NDUFS1: variants seen among roughly 807,000 people sequenced by gnomAD.
The protein encoded by NDUFS1 is NADH:ubiquinone oxidoreductase core subunit S1.
In NDUFS1, 61 loss-of-function variants were observed where a neutral mutation model predicts 84.4. That is an observed-to-expected ratio of 0.72 (90% CI 0.59 to 0.89). The LOEUF (loss-of-function observed/expected upper bound fraction) is 0.89, where lower values mean the gene tolerates loss of function less well. Among genes scored for constraint, NDUFS1 ranks in the 40% least tolerant of loss-of-function variants. NDUFS1 has a pLI of 0.00. For synonymous variants in NDUFS1, 275 were observed against 290.0 expected, an observed-to-expected ratio of 0.95 and a Z score of 0.53; for missense variants, 891 against 890.0, an observed-to-expected ratio of 1.00 and a Z score of -0.01.
intron 12 of NDUFS1, 52 bp from the exon 13 acceptor site, chr2:206,138,666 TG>T: frequency 6.4e-7 from 1 of 1,573,212 alleles, no homozygotes; most frequent in Non-Finnish European, 8.7e-7. Flanking sequence ...AAGCAGTTAC[TG>T]GTCTCATCAA....
intron 8 of NDUFS1, 70 bp from the exon 9 acceptor site, chr2:206,145,096 C>CA: frequency 6.8e-7 from 1 of 1,478,880 alleles, no homozygotes; most frequent in Non-Finnish European, 9.1e-7. Flanking sequence ...CCTGGTTTAC[C>CA]AAAAAATTTT....
chr2:206,127,621 A>C, intron 16 of NDUFS1, 176 bp downstream of exon 16: 2 of 647,898 alleles, frequency 3.1e-6, no homozygotes, highest in Non-Finnish European at 2.7e-6. Flanking sequence ...CGGTGCAATG[A>C]GAGCTCACTG....
chr2:206,134,357 G>C (rs947042131), intron 13 of NDUFS1, among the ~76,000 whole-genome samples: 1 of 152,182 alleles, frequency 6.6e-6, no homozygotes, highest in African/African-American at 2.4e-5. Context: ...AAACAGGCCA[G>C]GTGCAGTGGC....
intron 1 of NDUFS1, among the ~76,000 whole-genome samples, chr2:206,157,709 A>G (rs1288604581): frequency 6.6e-6 from 1 of 152,262 alleles, no homozygotes; most frequent in South Asian, 2.1e-4. Flanking sequence ...ATAGCCCAAC[A>G]TAAGAAATAC....
At chr2:206,148,284 A>T (rs114788103) in intron 5 of NDUFS1, among the ~76,000 whole-genome samples, 1 of 152,050 alleles carries the variant, frequency 6.6e-6, no homozygotes, top group Non-Finnish European at 1.5e-5. Flanking sequence ...ATTAATAGTA[A>T]TTTTACATTT....
chr2:206,142,619 C>A, intron 11 of NDUFS1, 67 bp downstream of exon 11: 1 of 1,591,264 alleles, frequency 6.3e-7, no homozygotes, highest in Non-Finnish European at 8.6e-7. Flanking sequence ...CAGGTTGTCA[C>A]ATTTTATACA....
At chr2:206,154,418 T>C (rs1258068815) in intron 1 of NDUFS1, among the ~76,000 whole-genome samples, 7 of 152,114 alleles carry the variant, frequency 4.6e-5, no homozygotes. Context: ...ATCTAGTGGG[T>C]AGAGGACAAG....
chr2:206,125,470 T>TACACAC (rs373368439), intron 18 of NDUFS1, among the ~76,000 whole-genome samples: 25 of 148,598 alleles, frequency 1.7e-4, no homozygotes, highest in African/African-American at 5.9e-4. Context: ...TCAAAAATTA[T>TACACAC]ACACACACAC....
Position 206,126,716 on chromosome 2 carries a change from G to C in NDUFS1, c.2013C>G (p.Leu671=), listed in dbSNP as rs1367146577. Residue 671 remains leucine, a synonymous_variant, in exon 17 of 19, where the codon CTC becomes CTG. Coordinates refer to ENST00000233190, the MANE Select transcript of NDUFS1 (RefSeq NM_005006.7). ...CTCATAGGCGAGCTGTTACCTTTGA[G>C]AGCTCATTTGCTTGCTGGAAGTAAT... ...GANYFQQANE[L]SKLVNQQLLA... The C allele has an allele frequency of 6.2e-7, 1 of 1,614,128 alleles. No homozygotes were observed. The highest frequency in any genetic ancestry group is 8.5e-7 in the Non-Finnish European group (1 of 1,180,018).
intron 13 of NDUFS1, among the ~76,000 whole-genome samples, chr2:206,137,170 C>T (rs889035193): frequency 6.6e-6 from 1 of 152,072 alleles, no homozygotes; most frequent in Non-Finnish European, 1.5e-5. Flanking sequence ...ATGTCTTCAC[C>T]TTTAAGACAT....
rs1690968396 is a variant in NDUFS1, at chr2:206,117,170, G to A, written c.*7015C>T. On this transcript the variant is annotated 3_prime_UTR_variant, in exon 19 of 19. Transcript: ENST00000233190. Reference sequence around the variant, plus strand: ...GATCATGCCACTGAACCCCAGCCTGGGTGACAGAGTTGCCTCAATCAGTCA... The same window carrying A: ...GATCATGCCACTGAACCCCAGCCTGAGTGACAGAGTTGCCTCAATCAGTCA... The A allele has an allele frequency of 6.6e-6, 1 of 152,240 alleles. No homozygotes were observed. The allele number at this position is 152,240 out of a possible 1,614,324, so 9.4% of individuals were successfully genotyped here.
rs199619537 is a variant in NDUFS1 at position 206,142,869 on chromosome 2, C to T, written c.988-38G>A. 1,485 of 1,612,572 alleles carry T rather than the reference C, an allele frequency of 9.2e-4. 27 individuals are homozygous for T. In the South Asian group the frequency reaches 0.016, roughly 17 times the overall value. The stretch of plus-strand genomic sequence containing the variant: ...GAAAAGGGCATCACCAAGAAACCTA[C>T]ACGCAGCAAAGACCACAATGAAATG... On this transcript the variant is annotated intron_variant, in intron 10 of 18. Coordinates refer to ENST00000233190, the MANE Select transcript of NDUFS1 (RefSeq NM_005006.7).
intron 12 of NDUFS1, among the ~76,000 whole-genome samples, chr2:206,141,313 G>T (rs1180901707): frequency 6.6e-6 from 1 of 151,892 alleles, no homozygotes; most frequent in Non-Finnish European, 1.5e-5. Flanking sequence ...GGGAGGCTGA[G>T]GCGGGCGGAT....
At position 206,159,408 on chromosome 2, in the gene NDUFS1, G is replaced by C. The variant is rs111650840; in HGVS notation, c.-72C>G. ...GACCACGACGACCCCCTAGGAGGCC[G>C]GGTCGCTTATTCAATATGGCGGCCT... is the stretch of plus-strand genomic sequence containing the variant. On this transcript the variant is annotated 5_prime_UTR_variant, in exon 1 of 19. Coordinates refer to ENST00000233190, the MANE Select transcript of NDUFS1 (RefSeq NM_005006.7). The C allele has an allele frequency of 2.2e-5, 11 of 500,270 alleles. No individual in the cohort carries two copies. The highest frequency in any genetic ancestry group is 1.7e-4 in the African/African-American group (9 of 51,988). 31.0% of individuals were successfully genotyped at this position (500,270 alleles called of 1,614,324 possible).
chr2:206,143,918 A>C, intron 10 of NDUFS1, 100 bp downstream of exon 10: 1 of 967,304 alleles, frequency 1.0e-6, no homozygotes, highest in Non-Finnish European at 1.6e-6. Flanking sequence ...TAATCTTGGT[A>C]AAAGTAAAAA....
chr2:206,142,742 A>G lies in NDUFS1; in HGVS notation c.1077T>C (p.Asn359=). 6.2e-7 allele frequency: 1 copy of G among 1,614,210 alleles called. No homozygotes were observed. Among genetic ancestry groups the G allele is most frequent in the Non-Finnish European group, 8.5e-7 (1 of 1,180,034 alleles). ...TGCATAAGGTGTCAGAGTCCACTCT[A>G]TTAAGCAAATCTTTGAGAGCTACCA... is the stretch of plus-strand genomic sequence containing the variant. ...EALVALKDLL[N]RVDSDTLCTE... The change falls in exon 11 of 19, where the codon AAT becomes AAC. Residue 359 remains asparagine, a synonymous_variant. Transcript: ENST00000233190.
Position 206,126,585 on chromosome 2 carries a change from G to T in NDUFS1, c.2046C>A (p.Asp682Glu). Reference sequence around the variant, plus strand: ...TAGTTAGCTGAGGTGGAACAAGTGGGTCAGCAAGAAGCTGCTGGTTCACTA... The same window carrying T: ...TAGTTAGCTGAGGTGGAACAAGTGGTTCAGCAAGAAGCTGCTGGTTCACTA... ...SKLVNQQLLADPLVPPQLTIK... is the reference protein window; with the variant it reads ...SKLVNQQLLAEPLVPPQLTIK... The change falls in exon 18 of 19, where the codon GAC (aspartate) becomes GAA (glutamate). Residue 682 changes from aspartate to glutamate, a missense_variant. By Grantham distance (45) the Asp-to-Glu change is conservative (BLOSUM62 2). Transcript: ENST00000233190. 6.2e-7 allele frequency: 1 copy of T among 1,614,094 alleles called. No homozygotes were observed. Among genetic ancestry groups the T allele is most frequent in the Non-Finnish European group, 8.5e-7 (1 of 1,180,012 alleles).
chr2:206,154,800 T>A (rs1667578537), intron 1 of NDUFS1, among the ~76,000 whole-genome samples: 2 of 152,026 alleles, frequency 1.3e-5, no homozygotes, highest in African/African-American at 4.8e-5. Flanking sequence ...ATTTTTTGTA[T>A]CTTTAGTAGA....
intron 1 of NDUFS1, 184 bp downstream of exon 1, chr2:206,159,157 A>G: frequency 1.3e-6 from 2 of 1,535,670 alleles, no homozygotes; most frequent in Non-Finnish European, 1.7e-6. Flanking sequence ...TCATCAGACC[A>G]GAGACCGTGG....
Sources: gnomAD v4.1 joint callset for allele counts (sites outside exome capture counted in the v4.1 genomes callset) on GRCh38, gnomAD v4.1.1 for gene constraint, MANE v1.5 for transcripts, NCBI Gene and HGNC (gene_info 2026-07-23, HGNC 2026-07-21) for gene names.